Variants in ADCYAP1 observed in about 807,000 individuals in gnomAD.
The protein encoded by ADCYAP1 is adenylate cyclase activating polypeptide 1, also known as pituitary adenylate cyclase-activating polypeptide.
Under a neutral mutation model 18.5 loss-of-function variants are expected in ADCYAP1, and 6 were observed. The ratio of observed to expected loss-of-function variants is 0.32; its 90% CI spans 0.18 to 0.64. ADCYAP1 has a LOEUF of 0.64. ADCYAP1 is among the 30% of genes least tolerant of loss of function. ADCYAP1 has a pLI of 0.77. For synonymous variants in ADCYAP1, 136 were observed against 113.9 expected, an observed-to-expected ratio of 1.19 and a Z score of -1.24; for missense variants, 314 against 253.6, an observed-to-expected ratio of 1.24 and a Z score of -1.62.
rs765402609 is a variant in ADCYAP1 at position 905,477 on chromosome 18, C to G, written c.91C>G (p.Leu31Val). ...CTACAGCTCACCTGCCGCCGCCGGACTCCGGTTCCCCGGGATCAGGTAGGT... is the reference window on the plus strand; with the variant it reads ...CTACAGCTCACCTGCCGCCGCCGGAGTCCGGTTCCCCGGGATCAGGTAGGT... ...SVYSSPAAAGLRFPGIRPEEE... is the reference protein window; with the variant it reads ...SVYSSPAAAGVRFPGIRPEEE... Residue 31 changes from leucine (L) to valine (V), a missense_variant, in exon 2 of 5, where the codon CTC becomes GTC. Coordinates refer to ENST00000450565, the MANE Select transcript of ADCYAP1 (RefSeq NM_001099733.2). The G allele has an allele frequency of 1.9e-6, 3 of 1,608,740 alleles. No individual in the cohort carries two copies. In the South Asian group the frequency reaches 3.3e-5, roughly 18 times the overall value.
In ADCYAP1 at chr18:907,720, C is replaced by T. The variant is rs1161239640; in HGVS notation, c.172C>T (p.Pro58Ser). The T allele has an allele frequency of 1.3e-6, 2 of 1,538,310 alleles. No homozygotes were observed. The highest frequency in any genetic ancestry group is 1.7e-6 in the Non-Finnish European group (2 of 1,149,470). ...NPLPDFDGSE[P>S]PGAGSPASAP... Reference sequence around the variant, plus strand: ...GCTGCCAGACTTCGATGGCTCGGAGCCGCCGGGCGCAGGGAGCCCCGCCTC... The same window carrying T: ...GCTGCCAGACTTCGATGGCTCGGAGTCGCCGGGCGCAGGGAGCCCCGCCTC... The change falls in exon 3 of 5, where the codon CCG (proline) becomes TCG (serine). Residue 58 changes from proline to serine, a missense_variant. Coordinates refer to ENST00000450565, the MANE Select transcript of ADCYAP1 (RefSeq NM_001099733.2).
chr18:908,583 G>A (rs946068660), intron 4 of ADCYAP1, among the ~76,000 whole-genome samples: 1 of 152,200 alleles, frequency 6.6e-6, no homozygotes, highest in Non-Finnish European at 1.5e-5. Flanking sequence ...GCGAGCCAGG[G>A]AGTTTGATCC....
At chr18:904,765 G>A, upstream of ADCYAP1, 1 of 1,269,860 alleles carries the variant, frequency 7.9e-7, no homozygotes, top group Non-Finnish European at 1.0e-6. Context: ...GCTCCTCCGC[G>A]CTTCACCTCA....
Position 909,901 on chromosome 18 carries a change from TATATAA to T in ADCYAP1, c.*268_*273del, listed in dbSNP as rs1909328412. ...ATATATATATATATATATATATATA[TATATAA>T]AGTATAGAGAGAAGTTCATACAAAG... On this transcript the variant is annotated 3_prime_UTR_variant, in exon 5 of 5. Coordinates refer to ENST00000450565, the MANE Select transcript of ADCYAP1 (RefSeq NM_001099733.2). The T allele has an allele frequency of 9.2e-6, 1 of 109,216 alleles. No homozygotes were observed. Among genetic ancestry groups the T allele is most frequent in the African/African-American group, 3.5e-5 (1 of 28,582 alleles). The allele number at this position is 109,216 out of a possible 1,614,324, so 6.8% of individuals were successfully genotyped here. A position where few individuals can be genotyped will look rare whatever the true frequency, so the allele number is the denominator to read the frequency against.
Position 908,353 on chromosome 18 carries a change from C to T in ADCYAP1, c.331C>T (p.Arg111Trp), listed in dbSNP as rs771568197. 2 of 1,612,888 alleles carry T rather than the reference C, an allele frequency of 1.2e-6. No homozygotes were observed. Among genetic ancestry groups the T allele is most frequent in the Non-Finnish European group, 1.7e-6 (2 of 1,179,574 alleles). ...GAAGCACCTGCAGTCGCTCGTGGCCCGGGGCGTGGGGTAAGAGTTTGTGGA... is the reference window on the plus strand; with the variant it reads ...GAAGCACCTGCAGTCGCTCGTGGCCTGGGGCGTGGGGTAAGAGTTTGTGGA... ...AGKHLQSLVA[R>W]GVGGSLGGGA... Residue 111 changes from arginine to tryptophan, a missense_variant, in exon 4 of 5, where the codon CGG becomes TGG. Arg to Trp is a moderately radical substitution (Grantham distance 101, BLOSUM62 -3). Transcript: ENST00000450565.
In ADCYAP1 at chr18:904,980, G is replaced by GA; in HGVS notation, c.-81dup. The GA allele has an allele frequency of 1.5e-6, 2 of 1,293,420 alleles. No individual in the cohort carries two copies. Among genetic ancestry groups the GA allele is most frequent in the South Asian group, 2.5e-5 (2 of 81,014 alleles). The allele number at this position is 1,293,420 out of a possible 1,614,324, so 80.1% of individuals were successfully genotyped here. On this transcript the variant is annotated 5_prime_UTR_variant, in exon 1 of 5. Coordinates refer to ENST00000450565, the MANE Select transcript of ADCYAP1 (RefSeq NM_001099733.2). ...CAGACGGCGATGCCTCTCGGGTGGTGACTCCAGCGCAGGAACTTGAAGAAG... is the reference window on the plus strand; with the variant it reads ...CAGACGGCGATGCCTCTCGGGTGGTGAACTCCAGCGCAGGAACTTGAAGAAG...
At chr18:905,613 C>A in intron 2 of ADCYAP1, 117 bp downstream of exon 2, 1 of 1,199,810 alleles carries the variant, frequency 8.3e-7, no homozygotes, top group Non-Finnish European at 1.1e-6. Context: ...CCCTCTGCGC[C>A]CCCGGTGCGC....
intron 4 of ADCYAP1, among the ~76,000 whole-genome samples, chr18:908,837 A>T (rs545854186): frequency 2.0e-5 from 3 of 152,196 alleles, no homozygotes; most frequent in Non-Finnish European, 2.9e-5. Flanking sequence ...TGTGAAGCCT[A>T]TCTCGGCAGA....
chr18:906,318 A>T (rs1909169015), intron 2 of ADCYAP1: 1 of 152,116 alleles, frequency 6.6e-6, no homozygotes, highest in Non-Finnish European at 1.5e-5. Context: ...TCGCGGACCG[A>T]TGTGCCAGGC....
At position 905,490 on chromosome 18, in the gene ADCYAP1, G is replaced by A. The variant is rs1159600064; in HGVS notation, c.104G>A (p.Gly35Glu). 6.2e-7 allele frequency: 1 copy of A among 1,606,478 alleles called. No homozygotes were observed. Among genetic ancestry groups the A allele is most frequent in the Non-Finnish European group, 8.5e-7 (1 of 1,179,964 alleles). ...GCCGCCGCCGGACTCCGGTTCCCCG[G>A]GATCAGGTAGGTGCTGGCTGCCTGG... ...SPAAAGLRFP[G>E]IRPEEEAYGE... Residue 35 changes from glycine (G) to glutamate (E), a missense_variant, in exon 2 of 5, where the codon GGG (glycine) becomes GAG (glutamate). Gly to Glu is a moderately conservative substitution (Grantham distance 98, BLOSUM62 -2). Transcript: ENST00000450565.
chr18:909,291 G>T (rs148154529), intron 4 of ADCYAP1, among the ~76,000 whole-genome samples, 155 bp from the exon 5 acceptor site: 2 of 152,240 alleles, frequency 1.3e-5, no homozygotes, highest in African/African-American at 4.8e-5. Flanking sequence ...CCTCCCCACG[G>T]CTGCTTCCAG....
upstream of ADCYAP1, chr18:904,477 C>T: frequency 7.8e-7 from 1 of 1,289,128 alleles, no homozygotes; most frequent in Non-Finnish European, 1.0e-6. Context: ...AAACCATGTT[C>T]GGATAGATTT....
In ADCYAP1 at chr18:907,650, A is replaced by G. The variant is rs369398891; in HGVS notation, c.111-9A>G. On this transcript the variant is annotated splice_polypyrimidine_tract_variant and intron_variant, in intron 2 of 4. Transcript: ENST00000450565. ...CTGACCACACCTTCTGTCCCCGGCC[A>G]CCCCGCAGGCCAGAGGAAGAGGCGT... 1.8e-4 allele frequency: 277 copies of G among 1,580,204 alleles called. 2 individuals carry two copies. In the South Asian group the frequency reaches 2.8e-3, roughly 16 times the overall value.
rs568000959 is a variant in ADCYAP1 at position 908,333 on chromosome 18, A to G, written c.311A>G (p.His104Arg). 2 of 1,613,320 alleles carry G rather than the reference A, an allele frequency of 1.2e-6. No individual in the cohort carries two copies. Among genetic ancestry groups the G allele is most frequent in the Non-Finnish European group, 8.5e-7 (1 of 1,179,746 alleles). The change falls in exon 4 of 5, where the codon CAC becomes CGC. Residue 104 changes from histidine to arginine, a missense_variant. By Grantham distance (29) the His-to-Arg change is conservative (BLOSUM62 0). Transcript: ENST00000450565. ...CTGGACCAGCTGTCCGCCGGGAAGCACCTGCAGTCGCTCGTGGCCCGGGGC... is the reference window on the plus strand; with the variant it reads ...CTGGACCAGCTGTCCGCCGGGAAGCGCCTGCAGTCGCTCGTGGCCCGGGGC... ...KVLDQLSAGK[H>R]LQSLVARGVG...
At position 908,271 on chromosome 18, in the gene ADCYAP1, C is replaced by A. The variant is rs958999224; in HGVS notation, c.249C>A (p.Val83=). 13 of 1,611,588 alleles carry A rather than the reference C, an allele frequency of 8.1e-6. No homozygotes were observed. The highest frequency in any genetic ancestry group is 1.3e-5 in the African/African-American group (1 of 74,878). ...CACTTTGCCTCCCCGTTAGAGATGT[C>A]GCCCACGGGATCCTTAACGAGGCCT... ...AWYRPAGRRD[V]AHGILNEAYR... is the part of the protein sequence containing the mutation. Residue 83 remains valine (V), a synonymous_variant, in exon 4 of 5, where the codon GTC becomes GTA. Coordinates refer to ENST00000450565, the MANE Select transcript of ADCYAP1 (RefSeq NM_001099733.2).
chr18:905,868 G>A (rs1396115975), intron 2 of ADCYAP1: 3 of 268,166 alleles, frequency 1.1e-5, no homozygotes, highest in South Asian at 7.2e-5. Context: ...CAGCTCTGGA[G>A]CCTGGCCGGG....
chr18:909,873 AATATAT>A lies in ADCYAP1; in HGVS notation c.*266_*271del, dbSNP rs35018620. ...ATATATATTATAAATATATATAAAG[AATATAT>A]ATATATATATATATATATATATATA... is the stretch of plus-strand genomic sequence containing the variant. On this transcript the variant is annotated 3_prime_UTR_variant, in exon 5 of 5. Coordinates refer to ENST00000450565, the MANE Select transcript of ADCYAP1 (RefSeq NM_001099733.2). 0.14 allele frequency: 20,027 copies of A among 143,174 alleles called. 1,609 individuals carry two copies. Among genetic ancestry groups the A allele is most frequent in the South Asian group, 0.19 (812 of 4,376 alleles). 8.9% of individuals were successfully genotyped at this position (143,174 alleles called of 1,614,324 possible). A position where few individuals can be genotyped will look rare whatever the true frequency, so the allele number is the denominator to read the frequency against.
intron 1 of ADCYAP1, 47 bp from the exon 2 acceptor site, chr18:905,339 C>T (rs1909121616): frequency 1.9e-6 from 3 of 1,601,662 alleles, no homozygotes; most frequent in East Asian, 4.5e-5. Flanking sequence ...GGGTGGGAGG[C>T]CAGGGGCGTT....
At position 911,434 on chromosome 18, in the gene ADCYAP1, G is replaced by A. The variant is rs1909386087; in HGVS notation, c.*1799G>A. 1 of 151,064 alleles carries A rather than the reference G, an allele frequency of 6.6e-6. No homozygotes were observed. The highest frequency in any genetic ancestry group is 1.5e-5 in the Non-Finnish European group (1 of 67,792). The allele number at this position is 151,064 out of a possible 1,614,324, so 9.4% of individuals were successfully genotyped here. ...AAGAAGAAGAAAAAAAAAAGAACAA[G>A]GAAAGATTAAACGTTAGCTTGTAAA... On this transcript the variant is annotated 3_prime_UTR_variant, in exon 5 of 5. Coordinates refer to ENST00000450565, the MANE Select transcript of ADCYAP1 (RefSeq NM_001099733.2).
Sources: gnomAD v4.1 joint callset for allele counts (sites outside exome capture counted in the v4.1 genomes callset) on GRCh38, gnomAD v4.1.1 for gene constraint, MANE v1.5 for transcripts, NCBI Gene and HGNC (gene_info 2026-07-23, HGNC 2026-07-21) for gene names.